DEAF1: variants seen among roughly 807,000 people sequenced by gnomAD.
The protein encoded by DEAF1 is DEAF1 transcription factor.
DEAF1 carries 53 observed loss-of-function variants against 58.9 expected under a neutral mutation model. The ratio of observed to expected loss-of-function variants is 0.90; its 90% CI spans 0.72 to 1.13. The LOEUF (loss-of-function observed/expected upper bound fraction) is 1.13, where lower values mean the gene tolerates loss of function less well. Among genes scored for constraint, DEAF1 ranks in the 50% most tolerant of loss-of-function variants. The pLI, the probability that DEAF1 is intolerant of heterozygous loss-of-function variation, is 0.00. For missense variants in DEAF1, 685 were observed against 791.4 expected, an observed-to-expected ratio of 0.87 and a Z score of 1.61; for synonymous variants, 385 against 340.4, an observed-to-expected ratio of 1.13 and a Z score of -1.44.
chr11:656,301 G>A (rs1242677138), intron 10 of DEAF1, among the ~76,000 whole-genome samples: 1 of 151,910 alleles, frequency 6.6e-6, no homozygotes, highest in Non-Finnish European at 1.5e-5. Context: ...GATTATAGGC[G>A]CTTGCCACCA....
At chr11:693,030 G>A (rs1860902580) in intron 1 of DEAF1, among the ~76,000 whole-genome samples, 1 of 152,200 alleles carries the variant, frequency 6.6e-6, no homozygotes, top group South Asian at 2.1e-4. Flanking sequence ...AGCCTCCTCA[G>A]GCGGCAGCGT....
chr11:667,606 G>A (rs1247108101), intron 10 of DEAF1, among the ~76,000 whole-genome samples: 3 of 150,936 alleles, frequency 2.0e-5, no homozygotes, highest in Non-Finnish European at 4.4e-5. Flanking sequence ...AGGTGTTCAA[G>A]ACCGGTCTGG....
At chr11:663,610 T>C (rs972862747) in intron 10 of DEAF1, among the ~76,000 whole-genome samples, 7 of 152,036 alleles carry the variant, frequency 4.6e-5, no homozygotes. Context: ...TGGCCTTTCC[T>C]CCTCCATCTC....
At chr11:686,120 T>C (rs1338387770) in intron 5 of DEAF1, among the ~76,000 whole-genome samples, 2 of 84,196 alleles carry the variant, frequency 2.4e-5, no homozygotes, top group Non-Finnish European at 4.7e-5. Context: ...CCATCTCTAC[T>C]GAAAATTAAA....
intron 1 of DEAF1, chr11:704,952 TG>T (rs1861651505): frequency 8.9e-6 from 3 of 337,514 alleles, no homozygotes; most frequent in South Asian, 6.9e-5. Flanking sequence ...CCCTGAGCTC[TG>T]GGTCAGGGCA....
intron 10 of DEAF1, among the ~76,000 whole-genome samples, chr11:670,931 G>GTTTTTTT (rs558436376): frequency 0.063 from 5,779 of 91,262 alleles, 1,449 homozygotes; most frequent in African/African-American, 0.25. Flanking sequence ...CCTGGCTAAT[G>GTTTTTTT]TTTTTTTTTT....
At chr11:675,366 T>C (rs1317645052) in intron 9 of DEAF1, among the ~76,000 whole-genome samples, 6 of 150,986 alleles carry the variant, frequency 4.0e-5, no homozygotes, top group East Asian at 2.0e-4. Flanking sequence ...AAAACAGAAA[T>C]CAAAAACAAA....
rs140931063 is a variant in DEAF1 at position 662,570 on chromosome 11, C to T, written c.1504-8519G>A. ...CCCCCCAGGCTCCTGGAGGTTGCTC[C>T]GCGTTGCTGTTGCTGCAGGTGAAGG... On this transcript the variant is annotated intron_variant, in intron 10 of 11. Coordinates refer to ENST00000382409, the MANE Select transcript of DEAF1 (RefSeq NM_021008.4). 6.6e-5 allele frequency among the ~76,000 whole-genome samples: 10 copies of T among 152,282 alleles called. No homozygotes were observed. In the East Asian group the frequency reaches 1.7e-3, roughly 26 times the overall value.
At chr11:681,411 CTTTTTT>C (rs145689269) in intron 6 of DEAF1, among the ~76,000 whole-genome samples, 1 of 123,150 alleles carries the variant, frequency 8.1e-6, no homozygotes, top group Admixed American at 8.2e-5. Context: ...TTCTTTCTTT[CTTTTTT>C]TTTTTTTTTT....
At chr11:694,619 GGGTGGAGCGGGCT>G in intron 1 of DEAF1, 127 bp downstream of exon 1, 1 of 753,844 alleles carries the variant, frequency 1.3e-6, no homozygotes, top group Non-Finnish European at 1.8e-6. Context: ...TGTGCAGGGC[GGGTGGAGCGGGCT>G]GGTCACGTGG....
rs1271335637 is a variant in DEAF1, at chr11:679,696, C to G, written c.1118G>C (p.Gly373Ala). Residue 373 changes from glycine to alanine, a missense_variant, in exon 8 of 12, where the codon GGG (glycine) becomes GCG (alanine). Gly to Ala is a moderately conservative substitution (Grantham distance 60, BLOSUM62 0). This residue lies in a region of DEAF1 where 343 missense variants were observed against 379.8 expected (regional missense o/e 0.90). Coordinates refer to ENST00000382409, the MANE Select transcript of DEAF1 (RefSeq NM_021008.4). ...ESPAQGDVFA[G>A]ATVQEASVQP... The stretch of plus-strand genomic sequence containing the variant: ...GCACTGGAGCAGCTCACCTGTGGCC[C>G]CTGCGAAGACGTCGCCCTGGGCCGG... 1.2e-6 allele frequency: 2 copies of G among 1,612,326 alleles called. No homozygotes were observed. Among genetic ancestry groups the G allele is most frequent in the Non-Finnish European group, 1.7e-6 (2 of 1,180,034 alleles).
At chr11:665,486 G>A (rs1187200417) in intron 10 of DEAF1, among the ~76,000 whole-genome samples, 2 of 152,228 alleles carry the variant, frequency 1.3e-5, no homozygotes, top group African/African-American at 2.4e-5. Context: ...GATGTTCACT[G>A]CAACAGCTGC....
At chr11:677,900 T>C (rs1311222371) in intron 9 of DEAF1, among the ~76,000 whole-genome samples, 2 of 151,046 alleles carry the variant, frequency 1.3e-5, no homozygotes, top group Non-Finnish European at 3.0e-5. Context: ...CAGGCAGAGG[T>C]TGCAGTGAGC....
chr11:654,564 C>T, intron 10 of DEAF1: 1 of 455,388 alleles, frequency 2.2e-6, no homozygotes, highest in South Asian at 1.5e-5. Context: ...AGTTTGCCCC[C>T]TACATTCATT....
chr11:690,162 G>A (rs1329373679), intron 2 of DEAF1, among the ~76,000 whole-genome samples: 2 of 115,452 alleles, frequency 1.7e-5, no homozygotes, highest in Non-Finnish European at 3.8e-5. Flanking sequence ...GGAGGTGGAG[G>A]TTGCAGTGAG....
chr11:703,815 G>T (rs560238317), intron 1 of DEAF1: 10 of 1,233,666 alleles, frequency 8.1e-6, no homozygotes, highest in Non-Finnish European at 9.1e-6. Flanking sequence ...TCGGAGGAGA[G>T]GTCAGGGCTA....
At chr11:693,172 A>G (rs1860908644) in intron 1 of DEAF1, among the ~76,000 whole-genome samples, 3 of 152,224 alleles carry the variant, frequency 2.0e-5, no homozygotes, top group Admixed American at 2.0e-4. Context: ...ACGTCAGCAC[A>G]TTTCTCTGAC....
intron 11 of DEAF1, among the ~76,000 whole-genome samples, chr11:645,854 G>A (rs1009143700): frequency 1.3e-4 from 20 of 152,196 alleles, no homozygotes; most frequent in African/African-American, 4.1e-4. Context: ...CTCCGTGCAC[G>A]GGGGCGTGAT....
At chr11:660,748 TG>T (rs1454717060) in intron 10 of DEAF1, among the ~76,000 whole-genome samples, 1 of 152,246 alleles carries the variant, frequency 6.6e-6, no homozygotes, top group Non-Finnish European at 1.5e-5. Flanking sequence ...CGGGCCTATT[TG>T]GCTCACGTGA....
Sources: allele counts gnomAD v4.1 joint callset (sites outside exome capture counted in the v4.1 genomes callset), GRCh38; gene constraint gnomAD v4.1.1; regional missense constraint gnomAD v4.1.1; transcripts MANE v1.5; gene names NCBI Gene and HGNC (gene_info 2026-07-23, HGNC 2026-07-21).